The following CSMD1 variants were observed in gnomAD, a reference collection of about 807,000 sequenced individuals.
The protein encoded by CSMD1 is CUB and Sushi multiple domains 1.
CSMD1 carries 213 observed loss-of-function variants against 417.5 expected under a neutral mutation model. That is an observed-to-expected ratio of 0.51 (90% CI 0.46 to 0.57). The LOEUF (loss-of-function observed/expected upper bound fraction) is 0.57, where lower values mean the gene tolerates loss of function less well. CSMD1 is among the 20% of genes least tolerant of loss of function. CSMD1 has a pLI of 0.00. For synonymous variants in CSMD1, 2,862 were observed against 1,736.8 expected (o/e 1.65, Z -16.11); for missense variants, 6,923 against 4,529.7 (o/e 1.53, Z -15.17).
At chr8:4,349,262 T>C (rs561110443) in intron 3 of CSMD1, among the ~76,000 whole-genome samples, 1 of 152,198 alleles carries the variant, frequency 6.6e-6, no homozygotes, top group African/African-American at 2.4e-5. Context: ...TACAGACCAG[T>C]GGTTTTCAAA....
At chr8:3,853,278 T>A (rs1367938188) in intron 5 of CSMD1, among the ~76,000 whole-genome samples, 1 of 152,232 alleles carries the variant, frequency 6.6e-6, no homozygotes, top group African/African-American at 2.4e-5. Flanking sequence ...GTGAGTTTTC[T>A]TTGTGATCTT....
At chr8:3,508,991 C>G (rs1233713653) in intron 10 of CSMD1, among the ~76,000 whole-genome samples, 2 of 152,194 alleles carry the variant, frequency 1.3e-5, no homozygotes, top group Admixed American at 6.5e-5. Context: ...GAGAATATCT[C>G]AGTGCAAATC....
rs114161839 is a variant in CSMD1, at chr8:4,769,790, C to G, written c.86-132232G>C. ...TTGCCTTTTACAATGTGAATTGCCA[C>G]GTTTAGCATTTTCTACTTGGCATTT... On this transcript the variant is annotated intron_variant, in intron 1 of 69. Transcript: ENST00000635120. 3.3e-3 allele frequency among the ~76,000 whole-genome samples: 509 copies of G among 152,176 alleles called. 2 individuals carry two copies. The highest frequency in any genetic ancestry group is 0.01 in the Middle Eastern group (3 of 294).
intron 3 of CSMD1, among the ~76,000 whole-genome samples, chr8:4,410,898 C>A (rs760376389): frequency 1.3e-5 from 2 of 152,094 alleles, no homozygotes; most frequent in Non-Finnish European, 2.9e-5. Context: ...GTTATAAGTT[C>A]AATAAGATCA....
At chr8:3,007,771 TG>T (rs1307095893) in intron 52 of CSMD1, among the ~76,000 whole-genome samples, 4 of 85,660 alleles carry the variant, frequency 4.7e-5, no homozygotes, top group African/African-American at 1.7e-4. Context: ...GGGACCGCTG[TG>T]GGGTGGGGGG....
Position 4,863,095 on chromosome 8 carries a change from G to T in CSMD1, c.85+131237C>A, listed in dbSNP as rs956600201. 1.1e-4 allele frequency among the ~76,000 whole-genome samples: 17 copies of T among 152,172 alleles called. 1 individual carries two copies. The East Asian group carries it at 1.4e-3, about 12-fold the overall frequency. ...TGAACACTGTTATAGTAGCCGGAAA[G>T]CTCAGTGGCTAGGATCATGAAAAAT... On this transcript the variant is annotated intron_variant, in intron 1 of 69. Coordinates refer to ENST00000635120, the MANE Select transcript of CSMD1 (RefSeq NM_033225.6).
At chr8:2,958,020 G>A (rs534211968) in intron 62 of CSMD1, among the ~76,000 whole-genome samples, 3 of 152,176 alleles carry the variant, frequency 2.0e-5, no homozygotes, top group African/African-American at 4.8e-5. Context: ...AGATCTTCTC[G>A]AATTTTGAAA....
chr8:3,766,332 G>C (rs907998102), intron 5 of CSMD1, among the ~76,000 whole-genome samples: 2 of 152,088 alleles, frequency 1.3e-5, no homozygotes, highest in Non-Finnish European at 2.9e-5. Flanking sequence ...TAAAAATCTT[G>C]GTTGCAACAA....
intron 10 of CSMD1, among the ~76,000 whole-genome samples, chr8:3,546,057 T>G (rs78768386): frequency 2.0e-5 from 3 of 152,216 alleles, no homozygotes; most frequent in Non-Finnish European, 2.9e-5. Flanking sequence ...CTCCATCAAG[T>G]TGACATTTAA....
intron 5 of CSMD1, among the ~76,000 whole-genome samples, chr8:3,758,998 C>G (rs1485356307): frequency 6.6e-6 from 1 of 152,190 alleles, no homozygotes; most frequent in East Asian, 1.9e-4. Context: ...GCTGCTGATA[C>G]CTTTATAACT....
At chr8:4,777,722 T>A (rs1015894604) in intron 1 of CSMD1, among the ~76,000 whole-genome samples, 1 of 152,202 alleles carries the variant, frequency 6.6e-6, no homozygotes, top group Non-Finnish European at 1.5e-5. Flanking sequence ...TGCACCAACC[T>A]AATGCATGTG....
rs576129197 is a variant in CSMD1, at chr8:3,511,483, G to T, written c.1345-17757C>A. Among the ~76,000 whole-genome samples the T allele has an allele frequency of 1.4e-4, 22 of 151,810 alleles. No homozygotes were observed. The South Asian group carries it at 4.4e-3, about 30-fold the overall frequency. On this transcript the variant is annotated intron_variant, in intron 10 of 69. Transcript: ENST00000635120. ...TCAAAATCTGTGGCCAGCCAGGCAC[G>T]TTGGCTCACGGCTGTAATCCCTGCA...
At chr8:4,173,669 T>A (rs1374816965) in intron 3 of CSMD1, among the ~76,000 whole-genome samples, 2 of 152,156 alleles carry the variant, frequency 1.3e-5, no homozygotes, top group African/African-American at 2.4e-5. Context: ...AAAACTGTGA[T>A]AACTGTAGTA....
chr8:3,523,487 A>G (rs1370922011), intron 10 of CSMD1, among the ~76,000 whole-genome samples: 1 of 152,148 alleles, frequency 6.6e-6, no homozygotes, highest in Non-Finnish European at 1.5e-5. Context: ...CCACCTGTGG[A>G]TGGCTGGCAG....
intron 3 of CSMD1, among the ~76,000 whole-genome samples, chr8:4,159,651 C>G (rs1228707744): frequency 1.3e-5 from 2 of 152,124 alleles, no homozygotes; most frequent in Admixed American, 6.5e-5. Context: ...CACAGTGGCG[C>G]GATCTCGGCT....
intron 2 of CSMD1, among the ~76,000 whole-genome samples, chr8:4,474,550 C>T (rs1482548723): frequency 6.6e-6 from 1 of 152,170 alleles, no homozygotes; most frequent in South Asian, 2.1e-4. Context: ...GGGTTTAGCA[C>T]TTTTGAGAGT....
chr8:4,355,766 G>T (rs1036250969), intron 3 of CSMD1, among the ~76,000 whole-genome samples: 7 of 152,144 alleles, frequency 4.6e-5, no homozygotes, highest in African/African-American at 1.7e-4. Context: ...TGTTTCTCCA[G>T]TGTCATTCAT....
At chr8:3,512,203 C>G (rs1461899032) in intron 10 of CSMD1, among the ~76,000 whole-genome samples, 1 of 152,230 alleles carries the variant, frequency 6.6e-6, no homozygotes, top group Non-Finnish European at 1.5e-5. Flanking sequence ...GTCTGTCCAC[C>G]TAATTTACCA....
chr8:3,841,846 G>A (rs1209119225), intron 5 of CSMD1, among the ~76,000 whole-genome samples: 1 of 151,934 alleles, frequency 6.6e-6, no homozygotes, highest in East Asian at 1.9e-4. Context: ...CATCAAGCTA[G>A]CAGCTCCTCA....
Sources: allele counts gnomAD v4.1 joint callset (sites outside exome capture counted in the v4.1 genomes callset), GRCh38; gene constraint gnomAD v4.1.1; transcripts MANE v1.5; gene names NCBI Gene and HGNC (gene_info 2026-07-23, HGNC 2026-07-21).